GLI2: variants seen among roughly 807,000 people sequenced by gnomAD.
GLI2 encodes the protein transcription activator GLI2.
In GLI2, 22 loss-of-function variants were observed where a neutral mutation model predicts 78.9. That is an observed-to-expected ratio of 0.28 (90% CI 0.20 to 0.40). GLI2 has a LOEUF of 0.40. Among genes scored for constraint, GLI2 ranks in the 10% least tolerant of loss-of-function variants. GLI2 has a pLI of 1.00. For synonymous variants in GLI2, 974 were observed against 963.7 expected (o/e 1.01, Z -0.20); for missense variants, 2,097 against 2,213.2 (o/e 0.95, Z 1.05).
chr2:120,899,708 G>A (rs1428742799), intron 2 of GLI2, among the ~76,000 whole-genome samples: 1 of 152,174 alleles, frequency 6.6e-6, no homozygotes, highest in Non-Finnish European at 1.5e-5. Flanking sequence ...TAGGAATGGC[G>A]GTGCCCATCT....
intron 2 of GLI2, among the ~76,000 whole-genome samples, chr2:120,852,791 G>A (rs546364461): frequency 1.3e-5 from 2 of 152,304 alleles, no homozygotes; most frequent in African/African-American, 4.8e-5. Flanking sequence ...TGCCTTGGTA[G>A]GTCATCAGGA....
At chr2:120,793,642 C>T (rs1470818474) in intron 1 of GLI2, among the ~76,000 whole-genome samples, 1 of 152,164 alleles carries the variant, frequency 6.6e-6, no homozygotes, top group East Asian at 1.9e-4. Flanking sequence ...GGCGAGGCCA[C>T]GGATGCAGTG....
At chr2:120,897,050 TG>T (rs1200371252) in intron 2 of GLI2, among the ~76,000 whole-genome samples, 1 of 152,126 alleles carries the variant, frequency 6.6e-6, no homozygotes, top group Non-Finnish European at 1.5e-5. Context: ...GGAGAGGGGC[TG>T]GGGGAAGAGA....
rs746742181 is a variant in GLI2 at position 120,988,229 on chromosome 2, G to T, written c.2264G>T (p.Ser755Ile). 6 of 1,590,812 alleles carry T rather than the reference G, an allele frequency of 3.8e-6. No homozygotes were observed. Among genetic ancestry groups the T allele is most frequent in the Non-Finnish European group, 5.1e-6 (6 of 1,171,584 alleles). ...GCAGGCTCCATCCTGGAAAACTTCA[G>T]TGGCAGTGGGGGCGGCGGGCCCGCG... ...PGSGSILENF[S>I]GSGGGGPAGL... Residue 755 changes from serine (S) to isoleucine (I), a missense_variant, in exon 14 of 14, where the codon AGT (serine) becomes ATT (isoleucine). Physicochemically the swap from Ser to Ile is moderately radical, Grantham distance 142. Transcript: ENST00000361492.
Position 120,737,920 on chromosome 2 carries a change from C to T in GLI2, c.-31+1635C>T, listed in dbSNP as rs1175865733. ...AATAGGCGGGTTTGTCACAGGCCTCCCTGATGAGACCAGTTTGTTCCAGCC... is the reference window on the plus strand; with the variant it reads ...AATAGGCGGGTTTGTCACAGGCCTCTCTGATGAGACCAGTTTGTTCCAGCC... On this transcript the variant is annotated intron_variant, in intron 1 of 13. Coordinates refer to ENST00000361492, the MANE Select transcript of GLI2 (RefSeq NM_001374353.1). This position sits in a 1 kb window ranked among gnomAD's most constrained non-coding sequence, Gnocchi z 4.3. Among the ~76,000 whole-genome samples the T allele has an allele frequency of 6.6e-6, 1 of 152,236 alleles. No homozygotes were observed. Among genetic ancestry groups the T allele is most frequent in the Non-Finnish European group, 1.5e-5 (1 of 68,038 alleles).
intron 2 of GLI2, among the ~76,000 whole-genome samples, chr2:120,816,620 T>C (rs1685506486): frequency 6.6e-6 from 1 of 150,408 alleles, no homozygotes; most frequent in Non-Finnish European, 1.5e-5. Context: ...ATACAACTAT[T>C]ATATTTATGA....
At chr2:120,939,931 C>T (rs4848653) in intron 3 of GLI2, among the ~76,000 whole-genome samples, 128,576 of 152,206 alleles carry the variant, frequency 0.84, 58,027 homozygotes, top group East Asian at 1. Flanking sequence ...TATCCTTGCC[C>T]CATCACTTTG....
In GLI2 at chr2:120,964,783, G is replaced by T. The variant is rs185295093; in HGVS notation, c.644-3931G>T. Among the ~76,000 whole-genome samples, 4 of 152,392 alleles carry T rather than the reference G, an allele frequency of 2.6e-5. No homozygotes were observed. The East Asian group carries it at 7.7e-4, about 29-fold the overall frequency. On this transcript the variant is annotated intron_variant, in intron 5 of 13. Transcript: ENST00000361492. Reference sequence around the variant, plus strand: ...TCTTCAGAGCCACTGAAAGTGGGAGGTCGAAAAGTGTTTGTGGGACGGGAC... The same window carrying T: ...TCTTCAGAGCCACTGAAAGTGGGAGTTCGAAAAGTGTTTGTGGGACGGGAC...
intron 3 of GLI2, among the ~76,000 whole-genome samples, chr2:120,928,877 C>T (rs1558890161): frequency 6.6e-6 from 1 of 152,184 alleles, no homozygotes; most frequent in Non-Finnish European, 1.5e-5. Flanking sequence ...CTTACATAAC[C>T]CAAGACTGAC....
chr2:120,894,586 A>G (rs1677845799), intron 2 of GLI2, among the ~76,000 whole-genome samples: 1 of 152,148 alleles, frequency 6.6e-6, no homozygotes, highest in Non-Finnish European at 1.5e-5. Flanking sequence ...TGAGGACCAC[A>G]AATGAAGACA....
intron 1 of GLI2, among the ~76,000 whole-genome samples, chr2:120,785,955 G>A (rs889549306): frequency 2.0e-5 from 3 of 152,214 alleles, no homozygotes; most frequent in Admixed American, 6.5e-5. Flanking sequence ...GGGCTGAGCT[G>A]CCCGGGGGCT....
At chr2:120,754,022 G>C (rs1288274917) in intron 1 of GLI2, among the ~76,000 whole-genome samples, 1 of 152,104 alleles carries the variant, frequency 6.6e-6, no homozygotes, top group Non-Finnish European at 1.5e-5. Flanking sequence ...AGATTTAGGG[G>C]TACGAGTGCC....
intron 2 of GLI2, among the ~76,000 whole-genome samples, chr2:120,813,508 A>G (rs1573416678): frequency 1.3e-5 from 2 of 152,162 alleles, no homozygotes; most frequent in East Asian, 1.9e-4. Flanking sequence ...CCAGGTGTCG[A>G]TTGAAACTCT....
chr2:120,863,854 C>G lies in GLI2; in HGVS notation c.149-63507C>G, dbSNP rs73949947. ...AGGCCGAGGCAGCCCTTCCAGGAAG[C>G]CTTTTGCTTGGAGGAGGAGTTGATG... On this transcript the variant is annotated intron_variant, in intron 2 of 13. Transcript: ENST00000361492. Among the ~76,000 whole-genome samples the G allele has an allele frequency of 3.6e-3, 543 of 152,216 alleles. 6 individuals carry two copies. The highest frequency in any genetic ancestry group is 0.012 in the African/African-American group (519 of 41,524).
intron 4 of GLI2, among the ~76,000 whole-genome samples, 200 bp from the exon 5 acceptor site, chr2:120,955,045 C>T (rs759669709): frequency 5.3e-5 from 8 of 151,880 alleles, no homozygotes; most frequent in African/African-American, 1.9e-4. Context: ...GCAGCAACAC[C>T]GCAGCTCGTG....
chr2:120,919,937 G>A (rs907960558), intron 2 of GLI2, among the ~76,000 whole-genome samples: 13 of 152,232 alleles, frequency 8.5e-5, no homozygotes, highest in South Asian at 2.1e-4. Context: ...ATGTGTTTGC[G>A]CTGCCTCGTC....
At chr2:120,912,935 C>T (rs535392392) in intron 2 of GLI2, among the ~76,000 whole-genome samples, 1 of 152,304 alleles carries the variant, frequency 6.6e-6, no homozygotes, top group Admixed American at 6.5e-5. Context: ...GGGGCACCGG[C>T]CTCACCCACA....
chr2:120,855,071 G>T (rs537533271), intron 2 of GLI2, among the ~76,000 whole-genome samples: 50 of 152,358 alleles, frequency 3.3e-4, no homozygotes, highest in African/African-American at 1.1e-3. Context: ...TTGAGAGGAG[G>T]TTTATTTGGG....
At chr2:120,777,343 A>ACGG (rs185055012) in intron 1 of GLI2, among the ~76,000 whole-genome samples, 3,334 of 151,618 alleles carry the variant, frequency 0.022, 51 homozygotes, top group Non-Finnish European at 0.031. Context: ...AGTGTGGGAG[A>ACGG]CGGAGTGGGC....
Sources: allele counts gnomAD v4.1 joint callset (sites outside exome capture counted in the v4.1 genomes callset), GRCh38; gene constraint gnomAD v4.1.1; non-coding constraint Gnocchi (gnomAD v3.1); transcripts MANE v1.5; gene names NCBI Gene and HGNC (gene_info 2026-07-23, HGNC 2026-07-21).